DNTT: variants seen among roughly 807,000 people sequenced by gnomAD.
The protein encoded by DNTT is nucleosidetriphosphate:DNA deoxynucleotidylexotransferase.
Under a neutral mutation model 60.9 loss-of-function variants are expected in DNTT, and 47 were observed. The ratio of observed to expected loss-of-function variants is 0.77; its 90% CI spans 0.61 to 0.98. The LOEUF (loss-of-function observed/expected upper bound fraction) is 0.98. DNTT is among the 50% of genes least tolerant of loss of function. The pLI, the probability that DNTT is intolerant of heterozygous loss-of-function variation, is 0.00. For missense variants in DNTT, 665 were observed against 627.5 expected, an observed-to-expected ratio of 1.06 and a Z score of -0.64; for synonymous variants, 224 against 221.2, an observed-to-expected ratio of 1.01 and a Z score of -0.11.
intron 2 of DNTT, 68 bp downstream of exon 2, chr10:96,318,594 C>T (rs865927101): frequency 4.2e-5 from 65 of 1,549,190 alleles, no homozygotes; most frequent in Admixed American, 1.7e-4. Context: ...TTAGGATCAA[C>T]GGAGCTGGGG....
chr10:96,311,422 G>C (rs1255652981), intron 1 of DNTT, among the ~76,000 whole-genome samples: 2 of 152,102 alleles, frequency 1.3e-5, no homozygotes, highest in African/African-American at 2.4e-5. Context: ...CCTCCTGGAG[G>C]GTTTTTCTAA....
chr10:96,313,806 A>G (rs1052898567), intron 1 of DNTT, among the ~76,000 whole-genome samples: 1 of 152,224 alleles, frequency 6.6e-6, no homozygotes, highest in Non-Finnish European at 1.5e-5. Flanking sequence ...CATCAGAGGC[A>G]GGGCTGTGTC....
chr10:96,306,788 G>A (rs1844643731), intron 1 of DNTT: 1 of 152,272 alleles, frequency 6.6e-6, no homozygotes, highest in East Asian at 1.9e-4. Context: ...TCCCAGGCTG[G>A]TAGCTCAGAA....
chr10:96,324,387 C>G lies in DNTT; in HGVS notation c.872C>G (p.Ala291Gly), dbSNP rs777113422. The change falls in exon 6 of 11, where the codon GCA (alanine) becomes GGA (glycine). Residue 291 changes from alanine (A) to glycine (G), a missense_variant and splice_region_variant. Physicochemically the swap from Ala to Gly is moderately conservative, Grantham distance 60. Coordinates refer to ENST00000371174, the MANE Select transcript of DNTT (RefSeq NM_004088.4). ...KSLKFTRMQK[A>G]GFLYYEDLVS... Reference sequence around the variant, plus strand: ...CTGAAATTTACACGAATGCAGAAAGCAGGTAAATTGTCTCTCCTAAAAGTC... The same window carrying G: ...CTGAAATTTACACGAATGCAGAAAGGAGGTAAATTGTCTCTCCTAAAAGTC... The G allele has an allele frequency of 1.2e-6, 2 of 1,613,630 alleles. No individual in the cohort carries two copies. Among genetic ancestry groups the G allele is most frequent in the Non-Finnish European group, 8.5e-7 (1 of 1,179,698 alleles).
chr10:96,313,092 T>G (rs11188704), intron 1 of DNTT, among the ~76,000 whole-genome samples: 18,055 of 152,138 alleles, frequency 0.12, 1,143 homozygotes, highest in South Asian at 0.17. Context: ...GAGACTGAGG[T>G]ACCAATGCCA....
At position 96,318,523 on chromosome 10, in the gene DNTT, T is replaced by G; in HGVS notation, c.375T>G (p.Leu125=). ...KPVEMTGKHQ[L]VVRRDYSDST... ...TGGAAATGACAGGAAAACACCAGCT[T>G]GTTGTAAGTGTCATGGGTGTGATTT... The change falls in exon 2 of 11, where the codon CTT becomes CTG. Residue 125 remains leucine (L), a synonymous_variant. Coordinates refer to ENST00000371174, the MANE Select transcript of DNTT (RefSeq NM_004088.4). The G allele has an allele frequency of 6.2e-7, 1 of 1,613,034 alleles. No homozygotes were observed. Among genetic ancestry groups the G allele is most frequent in the Non-Finnish European group, 8.5e-7 (1 of 1,179,400 alleles).
In DNTT at chr10:96,335,519, A is replaced by C. The variant is rs541806021; in HGVS notation, c.1360-372A>C. ...CCTCTTTTACAATAACAATATTCCA[A>C]ATCATGTAACACCCACCAAACTAGT... On this transcript the variant is annotated intron_variant, in intron 9 of 10. Coordinates refer to ENST00000371174, the MANE Select transcript of DNTT (RefSeq NM_004088.4). Among the ~76,000 whole-genome samples the C allele has an allele frequency of 1.6e-4, 24 of 152,280 alleles. No individual in the cohort carries two copies. In the South Asian group the frequency reaches 4.1e-3, roughly 26 times the overall value.
At chr10:96,333,897 CTG>C (rs1001564897) in intron 9 of DNTT, among the ~76,000 whole-genome samples, 57 of 152,234 alleles carry the variant, frequency 3.7e-4, no homozygotes, top group African/African-American at 1.3e-3. Flanking sequence ...GGAATAAACT[CTG>C]TTCTATTGCA....
At chr10:96,309,625 C>G (rs1304598773) in intron 1 of DNTT, among the ~76,000 whole-genome samples, 2 of 152,142 alleles carry the variant, frequency 1.3e-5, no homozygotes, top group African/African-American at 4.8e-5. Context: ...ATCCCAAAAC[C>G]ATCGCCTCCA....
intron 2 of DNTT, 83 bp from the exon 3 acceptor site, chr10:96,319,179 A>G (rs1844830637): frequency 6.7e-7 from 1 of 1,493,746 alleles, no homozygotes; most frequent in Non-Finnish European, 9.0e-7. Context: ...CCAACTACAG[A>G]CAACTACTTC....
intron 5 of DNTT, among the ~76,000 whole-genome samples, chr10:96,323,414 G>C (rs1385706860): frequency 6.6e-6 from 1 of 152,150 alleles, no homozygotes; most frequent in Non-Finnish European, 1.5e-5. Flanking sequence ...ATACAAATGG[G>C]TTGGGAGGGG....
intron 2 of DNTT, among the ~76,000 whole-genome samples, chr10:96,318,923 AAAACAAAAC>A (rs1274162459): frequency 6.6e-6 from 1 of 152,208 alleles, no homozygotes; most frequent in Non-Finnish European, 1.5e-5. Flanking sequence ...AAAACAAAAC[AAAACAAAAC>A]AAACAAAACA....
chr10:96,310,354 G>A (rs1228773017), intron 1 of DNTT, among the ~76,000 whole-genome samples: 3 of 152,170 alleles, frequency 2.0e-5, no homozygotes, highest in Admixed American at 2.0e-4. Flanking sequence ...AATATTCAAA[G>A]TCATTGTTTG....
chr10:96,332,787 A>C (rs1845023584), intron 9 of DNTT, among the ~76,000 whole-genome samples, 191 bp downstream of exon 9: 1 of 152,214 alleles, frequency 6.6e-6, no homozygotes, highest in Non-Finnish European at 1.5e-5. Flanking sequence ...TAGAACAGTT[A>C]TTCCCAGTGT....
chr10:96,321,782 G>C (rs530615667), intron 4 of DNTT, among the ~76,000 whole-genome samples: 34 of 152,140 alleles, frequency 2.2e-4, no homozygotes, highest in South Asian at 2.1e-3. Flanking sequence ...TGGTTTGGAG[G>C]GGGGAGCCCT....
At chr10:96,310,637 C>G (rs1844704496) in intron 1 of DNTT, among the ~76,000 whole-genome samples, 1 of 152,186 alleles carries the variant, frequency 6.6e-6, no homozygotes, top group South Asian at 2.1e-4. Context: ...CCAGCTTTTC[C>G]TTTTGATGAG....
chr10:96,320,812 C>G lies in DNTT; in HGVS notation c.678+24C>G, dbSNP rs374763048. 3.7e-6 allele frequency: 6 copies of G among 1,611,344 alleles called. No homozygotes were observed. In the African/African-American group the frequency reaches 6.7e-5, roughly 18 times the overall value. ...AGGTAAGGGTGAAATGGGATTTGTC[C>G]CACTTCCCAATAGGTAGGTGGGAAC... is the stretch of plus-strand genomic sequence containing the variant. On this transcript the variant is annotated intron_variant, in intron 4 of 10. Transcript: ENST00000371174.
chr10:96,321,322 T>C (rs149589136), intron 4 of DNTT, among the ~76,000 whole-genome samples: 47 of 152,206 alleles, frequency 3.1e-4, no homozygotes, highest in South Asian at 1.2e-3. Flanking sequence ...TATGTTGGCA[T>C]ACTTCTGGGG....
intron 2 of DNTT, among the ~76,000 whole-genome samples, chr10:96,319,050 A>T (rs1285744032): frequency 1.3e-5 from 2 of 152,222 alleles, no homozygotes; most frequent in Admixed American, 6.5e-5. Flanking sequence ...GATGATATTT[A>T]ATTGATAGGT....
Sources: allele counts gnomAD v4.1 joint callset (sites outside exome capture counted in the v4.1 genomes callset), GRCh38; gene constraint gnomAD v4.1.1; transcripts MANE v1.5; gene names NCBI Gene and HGNC (gene_info 2026-07-23, HGNC 2026-07-21).